Variants in CHRM3 observed in about 807,000 individuals in gnomAD.
The protein encoded by CHRM3 is muscarinic acetylcholine receptor M3.
In CHRM3, 11 loss-of-function variants were observed where a neutral mutation model predicts 41.8. The observed-to-expected ratio is 0.26, with a 90% CI of 0.17 to 0.44. The LOEUF is 0.44. Among genes scored for constraint, CHRM3 ranks in the 20% least tolerant of loss-of-function variants. The pLI is 1.00. For synonymous variants in CHRM3, 297 were observed against 301.4 expected, an observed-to-expected ratio of 0.99 and a Z score of 0.15; for missense variants, 571 against 745.4, an observed-to-expected ratio of 0.77 and a Z score of 2.72.
chr1:239,745,807 A>G (rs1665303189), intron 5 of CHRM3, among the ~76,000 whole-genome samples: 1 of 152,128 alleles, frequency 6.6e-6, no homozygotes, highest in Non-Finnish European at 1.5e-5. Flanking sequence ...ACATTTATGC[A>G]GCTGTTACTT....
intron 3 of CHRM3, among the ~76,000 whole-genome samples, chr1:239,608,679 A>C (rs16838564): frequency 0.019 from 2,917 of 152,336 alleles, 83 homozygotes; most frequent in African/African-American, 0.066. Flanking sequence ...CCAGCAGCAC[A>C]GGAACACGAA....
chr1:239,567,258 G>T (rs549451579), intron 3 of CHRM3, among the ~76,000 whole-genome samples: 1 of 150,606 alleles, frequency 6.6e-6, no homozygotes, highest in Non-Finnish European at 1.5e-5. Context: ...GATCACTTGA[G>T]CCCAGGGGTT....
intron 2 of CHRM3, among the ~76,000 whole-genome samples, chr1:239,544,232 A>G (rs1176264076): frequency 6.6e-6 from 1 of 152,052 alleles, no homozygotes; most frequent in Non-Finnish European, 1.5e-5. Flanking sequence ...AGCTCCTAGT[A>G]ATCATGCAGT....
At chr1:239,879,154 A>G (rs2102858556) in intron 6 of CHRM3, among the ~76,000 whole-genome samples, 1 of 152,238 alleles carries the variant, frequency 6.6e-6, no homozygotes, top group South Asian at 2.1e-4. Context: ...TTCTTAAGAC[A>G]GGGTCTCACT....
intron 4 of CHRM3, among the ~76,000 whole-genome samples, chr1:239,643,324 C>T (rs1166637718): frequency 6.6e-6 from 1 of 152,214 alleles, no homozygotes; most frequent in Admixed American, 6.5e-5. Context: ...TTTAAGTCTG[C>T]AGTGGTTACT....
chr1:239,621,745 G>C (rs2355229), intron 3 of CHRM3, among the ~76,000 whole-genome samples: 1 of 152,142 alleles, frequency 6.6e-6, no homozygotes, highest in South Asian at 2.1e-4. Context: ...AGCAGAGGTT[G>C]GTTCATGAGG....
At position 239,911,671 on chromosome 1, in the gene CHRM3, T is replaced by C. The variant is rs1436228148; in HGVS notation, c.*2447T>C. On this transcript the variant is annotated 3_prime_UTR_variant, in exon 7 of 7. Coordinates refer to ENST00000676153, the MANE Select transcript of CHRM3 (RefSeq NM_001375978.1). ...TCTCCTTATCCTTGTCCTTTTGTGA[T>C]GCTAATAATAGCAGAAAAGGAACAA... The C allele has an allele frequency of 6.0e-6, 1 of 167,088 alleles. No homozygotes were observed. Among genetic ancestry groups the C allele is most frequent in the East Asian group, 1.9e-4 (1 of 5,196 alleles). The allele number at this position is 167,088 out of a possible 1,614,324, so 10.4% of individuals were successfully genotyped here.
intron 2 of CHRM3, among the ~76,000 whole-genome samples, chr1:239,498,346 T>C (rs1668014930): frequency 6.6e-6 from 1 of 152,194 alleles, no homozygotes; most frequent in South Asian, 2.1e-4. Flanking sequence ...CATGCACTCT[T>C]GGGTTTTATG....
Position 239,404,458 on chromosome 1 carries a change from GAA to G in CHRM3, c.-521+17233_-521+17234del, listed in dbSNP as rs1319046479. Among the ~76,000 whole-genome samples the G allele has an allele frequency of 4.1e-3, 570 of 138,874 alleles. 34 individuals are homozygous for G. The highest frequency in any genetic ancestry group is 0.012 in the South Asian group (51 of 4,216). 91.1% of individuals were successfully genotyped at this position (138,874 alleles called of 152,430 possible). ...AGAAAGAAAGAAAGAAAGAAAGAAA[GAA>G]AGAAAGAAAAAGAAAGAAAGAAAGG... On this transcript the variant is annotated intron_variant, in intron 1 of 6. Coordinates refer to ENST00000676153, the MANE Select transcript of CHRM3 (RefSeq NM_001375978.1).
chr1:239,741,584 A>G (rs568541110), intron 5 of CHRM3, among the ~76,000 whole-genome samples: 2 of 152,274 alleles, frequency 1.3e-5, no homozygotes, highest in East Asian at 1.9e-4. Context: ...ATCAACCCTC[A>G]TATACTTTTC....
intron 4 of CHRM3, among the ~76,000 whole-genome samples, chr1:239,661,309 C>G (rs1673172552): frequency 6.6e-6 from 1 of 152,198 alleles, no homozygotes; most frequent in Admixed American, 6.5e-5. Context: ...CCTTTGTAGT[C>G]TTAGCAAGCA....
chr1:239,711,450 A>G (rs1661779758), intron 5 of CHRM3, among the ~76,000 whole-genome samples: 2 of 152,082 alleles, frequency 1.3e-5, no homozygotes, highest in African/African-American at 2.4e-5. Context: ...CCAAAGATTT[A>G]ATAAATCAGT....
intron 1 of CHRM3, among the ~76,000 whole-genome samples, chr1:239,429,504 G>C (rs1572266461): frequency 6.6e-6 from 1 of 152,104 alleles, no homozygotes; most frequent in Non-Finnish European, 1.5e-5. Context: ...TGATCTAGTA[G>C]TCATACCTTG....
At chr1:239,889,593 A>G (rs1678375889) in intron 6 of CHRM3, among the ~76,000 whole-genome samples, 1 of 152,200 alleles carries the variant, frequency 6.6e-6, no homozygotes, top group Non-Finnish European at 1.5e-5. Flanking sequence ...TTGAAAGGGA[A>G]GCTCTGCCAA....
intron 3 of CHRM3, among the ~76,000 whole-genome samples, chr1:239,605,304 T>C (rs1489277096): frequency 6.6e-6 from 1 of 152,196 alleles, no homozygotes. Flanking sequence ...TATGTTTAGA[T>C]GCACTAATAC....
At chr1:239,544,983 G>A (rs933362457) in intron 2 of CHRM3, among the ~76,000 whole-genome samples, 2 of 152,188 alleles carry the variant, frequency 1.3e-5, no homozygotes, top group Admixed American at 1.3e-4. Context: ...CTTTAAATCT[G>A]TAAAGCGAGA....
At chr1:239,800,401 G>T (rs1007998584) in intron 5 of CHRM3, among the ~76,000 whole-genome samples, 1 of 152,172 alleles carries the variant, frequency 6.6e-6, no homozygotes, top group Non-Finnish European at 1.5e-5. Context: ...CACAGTGCCA[G>T]GCTCCCATTA....
chr1:239,419,818 G>C (rs1165839929), intron 1 of CHRM3, among the ~76,000 whole-genome samples: 1 of 152,164 alleles, frequency 6.6e-6, no homozygotes, highest in Non-Finnish European at 1.5e-5. Context: ...GCTTATAAGA[G>C]CTTCTCGAGG....
chr1:239,889,445 C>T (rs1468528864), intron 6 of CHRM3, among the ~76,000 whole-genome samples: 1 of 152,064 alleles, frequency 6.6e-6, no homozygotes, highest in African/African-American at 2.4e-5. Context: ...CATGCCTGGC[C>T]CCTAGGTAGC....
Sources: allele counts gnomAD v4.1 joint callset (sites outside exome capture counted in the v4.1 genomes callset), GRCh38; gene constraint gnomAD v4.1.1; transcripts MANE v1.5; gene names NCBI Gene and HGNC (gene_info 2026-07-23, HGNC 2026-07-21).